Variants in SHANK2 observed in about 807,000 individuals in gnomAD.
SHANK2 encodes SH3 and multiple ankyrin repeat domains 2, also known as SH3 and multiple ankyrin repeat domains protein 2.
Under a neutral mutation model 133.7 loss-of-function variants are expected in SHANK2, and 43 were observed. The ratio of observed to expected loss-of-function variants is 0.32; its 90% confidence interval spans 0.25 to 0.41. SHANK2 has a LOEUF of 0.41. Among genes scored for constraint, SHANK2 ranks in the 10% least tolerant of loss-of-function variants. SHANK2 has a pLI of 1.00. For synonymous variants in SHANK2, 1,017 were observed against 952.8 expected (o/e 1.07, Z -1.24); for missense variants, 1,994 against 2,235.8 (o/e 0.89, Z 2.18).
chr11:71,106,013 A>G (rs1429468018), intron 6 of SHANK2, among the ~76,000 whole-genome samples: 15 of 152,228 alleles, frequency 9.9e-5, no homozygotes, highest in African/African-American at 2.4e-5. Context: ...GAGGATCACA[A>G]CTGGTTCACT....
chr11:70,715,595 AGAAT>A (rs1945896396), intron 14 of SHANK2, among the ~76,000 whole-genome samples: 2 of 152,216 alleles, frequency 1.3e-5, no homozygotes, highest in Non-Finnish European at 2.9e-5. Context: ...TATAGTAATT[AGAAT>A]GTTTTAAAAA....
Position 70,485,284 on chromosome 11 carries a change from G to T in SHANK2, c.4979+30C>A, listed in dbSNP as rs782146829. On this transcript the variant is annotated intron_variant, in intron 25 of 25. Transcript: ENST00000601538. This position sits in a 1 kb window ranked among gnomAD's most constrained non-coding sequence, Gnocchi z 5.8. ...TCAGCAGGGACAGTGCACGCAGAGC[G>T]GTGTGCATGTGCACCAACCGCGGAC... 5 of 1,569,388 alleles carry T rather than the reference G, an allele frequency of 3.2e-6. No homozygotes were observed. Among genetic ancestry groups the T allele is most frequent in the Non-Finnish European group, 3.5e-6 (4 of 1,141,122 alleles).
Position 70,659,919 on chromosome 11 carries a change from G to A in SHANK2, c.1970C>T (p.Pro657Leu), listed in dbSNP as rs782738905. The change falls in exon 17 of 26, where the codon CCG (proline) becomes CTG (leucine). Residue 657 changes from proline to leucine, a missense_variant. By Grantham distance (98) the Pro-to-Leu change is moderately conservative. Transcript: ENST00000601538. The stretch of plus-strand genomic sequence containing the variant: ...CAGGTACTGTAGGGCTGGGAAAGCC[G>A]GTGTTGGTGTGAATTCTTCAATGGG... ...DTPIEEFTPT[P>L]AFPALQYLES... is the part of the protein sequence containing the mutation. The A allele has an allele frequency of 1.2e-5, 20 of 1,614,072 alleles. No homozygotes were observed. The highest frequency in any genetic ancestry group is 6.7e-5 in the Admixed American group (4 of 59,996).
intron 2 of SHANK2, among the ~76,000 whole-genome samples, chr11:71,212,925 G>A (rs988877246): frequency 6.6e-6 from 1 of 151,382 alleles, no homozygotes; most frequent in Non-Finnish European, 1.5e-5. Flanking sequence ...GACCCCAGGC[G>A]GAGGCACAGG....
At chr11:70,584,386 G>C (rs1248435070) in intron 17 of SHANK2, among the ~76,000 whole-genome samples, 2 of 152,164 alleles carry the variant, frequency 1.3e-5, no homozygotes, top group African/African-American at 4.8e-5. Flanking sequence ...GGCCCCTCAA[G>C]AATCAGGCAA....
At chr11:70,826,404 C>G (rs565398181) in intron 11 of SHANK2, 2 of 469,170 alleles carry the variant, frequency 4.3e-6, no homozygotes, top group African/African-American at 2.0e-5. Flanking sequence ...TCTCCCCCAC[C>G]CCGAGAATCA....
intron 2 of SHANK2, among the ~76,000 whole-genome samples, 165 bp from the exon 3 acceptor site, chr11:71,147,503 G>C (rs1555106999): frequency 6.6e-6 from 1 of 152,218 alleles, no homozygotes; most frequent in East Asian, 1.9e-4. Context: ...ACAATGTACA[G>C]ATCCCAGAGG....
At chr11:70,551,815 C>G (rs1330477516) in intron 17 of SHANK2, among the ~76,000 whole-genome samples, 1 of 152,214 alleles carries the variant, frequency 6.6e-6, no homozygotes. Flanking sequence ...TGATGTGAAA[C>G]TCCCGCAGGC....
chr11:70,662,459 CT>C (rs1177739635), intron 15 of SHANK2, among the ~76,000 whole-genome samples: 2 of 152,146 alleles, frequency 1.3e-5, no homozygotes, highest in African/African-American at 4.8e-5. Context: ...GCATCCCCCC[CT>C]CCAGCGTCCC....
intron 25 of SHANK2, among the ~76,000 whole-genome samples, chr11:70,478,757 C>G (rs969869057): frequency 6.6e-6 from 1 of 152,186 alleles, no homozygotes. Context: ...TGGCCCAGAA[C>G]AGGGGTGCGA....
chr11:70,593,156 C>A (rs543659241), intron 17 of SHANK2, among the ~76,000 whole-genome samples: 1 of 152,316 alleles, frequency 6.6e-6, no homozygotes, highest in Non-Finnish European at 1.5e-5. Flanking sequence ...TGTCCCAGCA[C>A]GCGTAGGACT....
At chr11:71,219,188 C>T (rs1336058554) in intron 2 of SHANK2, among the ~76,000 whole-genome samples, 1 of 152,186 alleles carries the variant, frequency 6.6e-6, no homozygotes. Flanking sequence ...TAGAACAAGG[C>T]CCACAAAATT....
intron 14 of SHANK2, among the ~76,000 whole-genome samples, chr11:70,787,324 GACC>G (rs1947687303): frequency 1.9e-5 from 1 of 52,794 alleles, no homozygotes; most frequent in African/African-American, 7.3e-5. Context: ...TCATCACCAT[GACC>G]ACCATGACCA....
At chr11:70,700,747 C>A (rs1945501434) in intron 14 of SHANK2, among the ~76,000 whole-genome samples, 1 of 152,198 alleles carries the variant, frequency 6.6e-6, no homozygotes, top group African/African-American at 2.4e-5. Flanking sequence ...TTCAGCAGGG[C>A]AGGGCCTCAG....
At chr11:70,775,220 G>A (rs572550322) in intron 14 of SHANK2, among the ~76,000 whole-genome samples, 1 of 152,294 alleles carries the variant, frequency 6.6e-6, no homozygotes, top group African/African-American at 2.4e-5. Context: ...CATTTTGAGA[G>A]GCCGAGGCAG....
intron 15 of SHANK2, among the ~76,000 whole-genome samples, chr11:70,690,488 G>GGTTTTTTTTTTTTT (rs1945259050): frequency 3.0e-5 from 1 of 32,802 alleles, no homozygotes; most frequent in Non-Finnish European, 5.1e-5. Context: ...TACTTCCCAT[G>GGTTTTTTTTTTTTT]TTTTTTTTTT....
intron 15 of SHANK2, among the ~76,000 whole-genome samples, chr11:70,670,523 G>A (rs1210429009): frequency 6.6e-6 from 1 of 152,324 alleles, no homozygotes; most frequent in East Asian, 1.9e-4. Context: ...AGGGCCGCTC[G>A]ACAGGCGGGG....
intron 10 of SHANK2, among the ~76,000 whole-genome samples, chr11:70,942,365 T>C (rs1394306116): frequency 1.3e-5 from 2 of 152,106 alleles, no homozygotes; most frequent in African/African-American, 2.4e-5. Context: ...AGGGGTGTCC[T>C]GGCTTTATAA....
chr11:71,117,709 G>A (rs1291655206), intron 4 of SHANK2, among the ~76,000 whole-genome samples: 4 of 152,320 alleles, frequency 2.6e-5, no homozygotes, highest in Non-Finnish European at 4.4e-5. Context: ...GGAGGGTGGT[G>A]CACGCCCAAC....
Sources: allele counts gnomAD v4.1 joint callset (sites outside exome capture counted in the v4.1 genomes callset), GRCh38; gene constraint gnomAD v4.1.1; non-coding constraint Gnocchi (gnomAD v3.1); transcripts MANE v1.5; gene names NCBI Gene and HGNC (gene_info 2026-07-23, HGNC 2026-07-21).